The following SIL1 variants were observed in gnomAD, a reference collection of about 807,000 sequenced individuals.
The protein encoded by SIL1 is SIL1 nucleotide exchange factor.
Under a neutral mutation model 49.1 loss-of-function variants are expected in SIL1, and 40 were observed. The observed-to-expected ratio is 0.81, with a 90% CI of 0.63 to 1.06. The LOEUF is 1.06. Ranked by LOEUF, SIL1 falls within the 50% of genes least tolerant of loss-of-function variation. The pLI is 0.00. For synonymous variants in SIL1, 253 were observed against 250.8 expected, an observed-to-expected ratio of 1.01 and a Z score of -0.08; for missense variants, 500 against 572.6, an observed-to-expected ratio of 0.87 and a Z score of 1.29.
At chr5:139,198,052 G>T (rs762274092) in intron 1 of SIL1, among the ~76,000 whole-genome samples, 1 of 152,214 alleles carries the variant, frequency 6.6e-6, no homozygotes, top group Non-Finnish European at 1.5e-5. Flanking sequence ...ATAAAGAGGT[G>T]AATGGAGACA....
chr5:138,955,642 C>A (rs565849173), intron 7 of SIL1, among the ~76,000 whole-genome samples: 111 of 152,356 alleles, frequency 7.3e-4, no homozygotes, highest in Admixed American at 1.4e-3. Context: ...CCAGCACACA[C>A]CCCGGGGCTG....
chr5:139,001,158 C>G (rs1328669114), intron 7 of SIL1, among the ~76,000 whole-genome samples: 2 of 152,176 alleles, frequency 1.3e-5, no homozygotes, highest in South Asian at 4.2e-4. Context: ...CTATACCATA[C>G]CCATCAAATT....
At chr5:139,101,104 G>A (rs1465607601) in intron 3 of SIL1, among the ~76,000 whole-genome samples, 5 of 152,078 alleles carry the variant, frequency 3.3e-5, no homozygotes, top group Non-Finnish European at 4.4e-5. Context: ...TACAAATGTA[G>A]CAAGTTTTTT....
chr5:139,173,790 C>CAG (rs747447624), intron 1 of SIL1, among the ~76,000 whole-genome samples: 12 of 106,366 alleles, frequency 1.1e-4, no homozygotes, highest in Admixed American at 3.3e-4. Context: ...ACTAAAAATA[C>CAG]AAAAAAAAAA....
chr5:139,055,915 C>T lies in SIL1; in HGVS notation c.245-4869G>A, dbSNP rs201420032. On this transcript the variant is annotated intron_variant, in intron 3 of 9. Transcript: ENST00000394817. ...CTCCAGCTCCTAACCGCGAGTGATC[C>T]GCCAGCCTCGACCTCCCGAAGTGCC... Among the ~76,000 whole-genome samples, 7 of 152,176 alleles carry T rather than the reference C, an allele frequency of 4.6e-5. No homozygotes were observed. In the East Asian group the frequency reaches 7.8e-4, roughly 17 times the overall value.
intron 7 of SIL1, among the ~76,000 whole-genome samples, chr5:138,995,095 G>A (rs566061025): frequency 5.9e-5 from 9 of 152,264 alleles, no homozygotes; most frequent in Admixed American, 2.0e-4. Flanking sequence ...GTCTATCACT[G>A]ATGGGCATTT....
chr5:138,947,383 A>G lies in SIL1; in HGVS notation c.1120T>C (p.Trp374Arg), dbSNP rs1021273983. ...GTGATCTCGCACCAGCCCTGTTCCC[A>G]CAGGCCTGGCAGGAGGTGTACCTGG... ...YRQVHLLPGL[W>R]EQGWCEITAH... The change falls in exon 10 of 10, where the codon TGG becomes CGG. Residue 374 changes from tryptophan (W) to arginine (R), a missense_variant. Physicochemically the swap from Trp to Arg is moderately radical, Grantham distance 101. Coordinates refer to ENST00000394817, the MANE Select transcript of SIL1 (RefSeq NM_022464.5). The surrounding 1 kb of genome is among the most constrained non-coding windows in gnomAD (Gnocchi z 4.1). The G allele has an allele frequency of 3.1e-6, 5 of 1,613,618 alleles. No homozygotes were observed. The highest frequency in any genetic ancestry group is 3.3e-5 in the Admixed American group (2 of 60,020).
At chr5:139,009,887 C>T (rs1277880844) in intron 7 of SIL1, among the ~76,000 whole-genome samples, 2 of 147,742 alleles carry the variant, frequency 1.4e-5, no homozygotes, top group African/African-American at 2.5e-5. Context: ...TCTCTGGCTG[C>T]CCTTAACATT....
intron 7 of SIL1, among the ~76,000 whole-genome samples, chr5:138,980,078 T>C (rs1767482583): frequency 6.6e-6 from 1 of 152,230 alleles, no homozygotes; most frequent in Non-Finnish European, 1.5e-5. Context: ...CTCTAGGCTC[T>C]TGCTTTACAA....
intron 7 of SIL1, among the ~76,000 whole-genome samples, chr5:139,007,525 C>T (rs1422623648): frequency 1.5e-4 from 14 of 93,404 alleles, no homozygotes; most frequent in African/African-American, 8.2e-4. Flanking sequence ...GAGAGGGCAT[C>T]CCTGTCTTGT....
chr5:139,093,567 G>A (rs1770390030), intron 3 of SIL1, among the ~76,000 whole-genome samples: 2 of 152,122 alleles, frequency 1.3e-5, no homozygotes, highest in South Asian at 2.1e-4. Flanking sequence ...GGTTAATGGA[G>A]GTCTTCAAAA....
chr5:138,956,546 C>T (rs1766906458), intron 7 of SIL1, among the ~76,000 whole-genome samples: 2 of 152,092 alleles, frequency 1.3e-5, no homozygotes, highest in Non-Finnish European at 2.9e-5. Context: ...GAGTCCAAGA[C>T]TAGTCTGGCC....
intron 1 of SIL1, among the ~76,000 whole-genome samples, chr5:139,191,061 A>G (rs755350508): frequency 2.0e-5 from 3 of 151,792 alleles, no homozygotes; most frequent in Non-Finnish European, 4.4e-5. Context: ...GTAAAACCCC[A>G]TCTCTACTGC....
chr5:139,159,658 G>A (rs1044592733), intron 1 of SIL1, among the ~76,000 whole-genome samples: 1 of 152,170 alleles, frequency 6.6e-6, no homozygotes, highest in African/African-American at 2.4e-5. Context: ...TCCTCTTAGA[G>A]AAGTGCCTAT....
At chr5:139,180,044 A>C (rs966829811) in intron 1 of SIL1, among the ~76,000 whole-genome samples, 1 of 147,290 alleles carries the variant, frequency 6.8e-6, no homozygotes, top group Non-Finnish European at 1.5e-5. Context: ...CAACAGAGCA[A>C]GACCCTGTCT....
intron 7 of SIL1, among the ~76,000 whole-genome samples, chr5:138,961,964 T>C (rs1419312053): frequency 6.6e-6 from 1 of 151,164 alleles, no homozygotes. Context: ...TTTTTTTTTT[T>C]TTTTTTTTTA....
At chr5:138,949,615 C>T (rs1766716308) in intron 9 of SIL1, among the ~76,000 whole-genome samples, 4 of 151,836 alleles carry the variant, frequency 2.6e-5, no homozygotes. Flanking sequence ...AGTTCAAGAC[C>T]AGCCTGAGCA....
chr5:139,078,380 A>T (rs567523390), intron 3 of SIL1, among the ~76,000 whole-genome samples: 2 of 152,236 alleles, frequency 1.3e-5, no homozygotes, highest in Admixed American at 6.5e-5. Flanking sequence ...AGGAATTTAA[A>T]AAAAAAAGGG....
chr5:138,949,883 G>A (rs923547026), intron 9 of SIL1, among the ~76,000 whole-genome samples: 3 of 151,936 alleles, frequency 2.0e-5, no homozygotes, highest in Non-Finnish European at 2.9e-5. Flanking sequence ...GACTGCCTCA[G>A]CCCAAGTACA....
Sources: gnomAD v4.1 joint callset for allele counts (sites outside exome capture counted in the v4.1 genomes callset) on GRCh38, gnomAD v4.1.1 for gene constraint, Gnocchi (gnomAD v3.1) non-coding constraint, MANE v1.5 for transcripts, NCBI Gene and HGNC (gene_info 2026-07-23, HGNC 2026-07-21) for gene names.